NCAPD3: variants seen among roughly 807,000 people sequenced by gnomAD.
NCAPD3 encodes the protein non-SMC condensin II complex subunit D3.
A neutral mutation model predicts 182.9 loss-of-function variants in NCAPD3; 105 were observed. The ratio of observed to expected loss-of-function variants is 0.57; its 90% CI spans 0.49 to 0.68. The LOEUF is 0.68. NCAPD3 is among the 30% of genes least tolerant of loss of function. The probability of loss-of-function intolerance (pLI) is 0.00; values close to 1 mark genes in which losing one functional copy is unlikely to be tolerated. For synonymous variants in NCAPD3, 815 were observed against 679.9 expected (o/e 1.20, Z -3.09); for missense variants, 1,944 against 1,837.0 (o/e 1.06, Z -1.07).
chr11:134,210,428 G>C lies in NCAPD3; in HGVS notation c.409C>G (p.Pro137Ala). The C allele has an allele frequency of 6.2e-7, 1 of 1,613,998 alleles. No individual in the cohort carries two copies. Among genetic ancestry groups the C allele is most frequent in the Non-Finnish European group, 8.5e-7 (1 of 1,179,940 alleles). The change falls in exon 4 of 35, where the codon CCA becomes GCA. Residue 137 changes from proline to alanine, a missense_variant. By Grantham distance (27) the Pro-to-Ala change is conservative (BLOSUM62 -1). Coordinates refer to ENST00000534548, the MANE Select transcript of NCAPD3 (RefSeq NM_015261.3). Reference sequence around the variant, plus strand: ...TGAATGCATTTGTCAAACATCACTGGGTGGAATACTTGATTGGCTACACTG... The same window carrying C: ...TGAATGCATTTGTCAAACATCACTGCGTGGAATACTTGATTGGCTACACTG... ...PGSVANQVFH[P>A]VMFDKCIQTL... is the part of the protein sequence containing the mutation.
chr11:134,181,207 T>G (rs777418454), intron 19 of NCAPD3, 23 bp from the exon 20 acceptor site: 1 of 1,527,150 alleles, frequency 6.5e-7, no homozygotes, highest in South Asian at 1.1e-5. Context: ...AAAAGTCATC[T>G]CTGAAGGGCC....
intron 23 of NCAPD3, among the ~76,000 whole-genome samples, chr11:134,176,951 T>A (rs973931644): frequency 3.9e-5 from 6 of 152,228 alleles, no homozygotes. Flanking sequence ...CTACTGAATA[T>A]GCTTTTCTCT....
At chr11:134,222,314 TAGGGA>T (rs1938261436) in intron 1 of NCAPD3, among the ~76,000 whole-genome samples, 1 of 152,204 alleles carries the variant, frequency 6.6e-6, no homozygotes, top group Non-Finnish European at 1.5e-5. Flanking sequence ...GAGAAAATAC[TAGGGA>T]AGCCACTTAT....
chr11:134,182,457 T>A (rs1944317993), intron 19 of NCAPD3, among the ~76,000 whole-genome samples: 1 of 152,246 alleles, frequency 6.6e-6, no homozygotes, highest in Non-Finnish European at 1.5e-5. Flanking sequence ...CTAGGCAGCC[T>A]ACCGTCCCCA....
intron 3 of NCAPD3, among the ~76,000 whole-genome samples, chr11:134,214,902 C>G (rs1184780661): frequency 6.6e-6 from 1 of 152,138 alleles, no homozygotes; most frequent in African/African-American, 2.4e-5. Flanking sequence ...CCCAGATACT[C>G]AAACCAGACA....
Position 134,168,934 on chromosome 11 carries a change from C to A in NCAPD3, c.3222G>T (p.Lys1074Asn), listed in dbSNP as rs752960875. The change falls in exon 25 of 35, where the codon AAG (lysine) becomes AAT (asparagine). Residue 1074 changes from lysine (K) to asparagine (N), a missense_variant. Lys to Asn is a moderately conservative substitution (Grantham distance 94). Transcript: ENST00000534548. ...TCACTGACCTCTCTGACTGGGGGAA[C>A]TTGTTGTACTTCTCATGCTTCTCAT... ...NNYEKHEKYN[K>N]FPQSEREKRL... The A allele has an allele frequency of 6.2e-7, 1 of 1,613,570 alleles. No homozygotes were observed. Among genetic ancestry groups the A allele is most frequent in the Non-Finnish European group, 8.5e-7 (1 of 1,179,704 alleles).
intron 3 of NCAPD3, among the ~76,000 whole-genome samples, chr11:134,212,724 C>T (rs1285442127): frequency 6.6e-6 from 1 of 152,172 alleles, no homozygotes; most frequent in Non-Finnish European, 1.5e-5. Flanking sequence ...GTTGTTCTTA[C>T]ATCATATATA....
At chr11:134,168,245 C>T (rs771916206) in intron 26 of NCAPD3, 50 bp from the exon 27 acceptor site, 3 of 1,560,298 alleles carry the variant, frequency 1.9e-6, no homozygotes, top group South Asian at 2.2e-5. Context: ...AATGCTCTGG[C>T]CCAGAGAGGA....
chr11:134,223,221 C>T (rs1041543887), intron 1 of NCAPD3: 24 of 574,434 alleles, frequency 4.2e-5, no homozygotes, highest in African/African-American at 2.8e-4. Context: ...GGGGGATGGG[C>T]TGGCACAGTT....
At chr11:134,200,983 C>T (rs1339128866) in intron 13 of NCAPD3, among the ~76,000 whole-genome samples, 1 of 151,368 alleles carries the variant, frequency 6.6e-6, no homozygotes, top group Non-Finnish European at 1.5e-5. Context: ...CAAAAGACAA[C>T]ACAGTACATG....
chr11:134,154,871 T>C (rs1400197164), intron 32 of NCAPD3, among the ~76,000 whole-genome samples: 1 of 152,232 alleles, frequency 6.6e-6, no homozygotes, highest in Admixed American at 6.5e-5. Flanking sequence ...TGAGTGTCAC[T>C]AATAGACGAT....
At chr11:134,171,074 C>A (rs1413151341) in intron 24 of NCAPD3, among the ~76,000 whole-genome samples, 1 of 152,190 alleles carries the variant, frequency 6.6e-6, no homozygotes, top group Non-Finnish European at 1.5e-5. Context: ...AGGCAGCACT[C>A]TCTAGGTATG....
In NCAPD3 at chr11:134,185,372, A is replaced by AGTCCTGG; in HGVS notation, c.2199_2200insCCAGGAC (p.Tyr734ProfsTer40). The AGTCCTGG allele has an allele frequency of 6.2e-7, 1 of 1,613,454 alleles. No individual in the cohort carries two copies. The highest frequency in any genetic ancestry group is 8.5e-7 in the Non-Finnish European group (1 of 1,179,742). ...TCCCAAGATTGTATTATTCTGCTGT[A>AGTCCTGG]GTCCAGCCTGGGTGAGGAGCCAGCA... On this transcript the variant is annotated frameshift_variant, in exon 17 of 35. Coordinates refer to ENST00000534548, the MANE Select transcript of NCAPD3 (RefSeq NM_015261.3). LOFTEE classifies it high-confidence loss of function.
intron 27 of NCAPD3, among the ~76,000 whole-genome samples, chr11:134,163,232 T>A (rs999181746): frequency 4.6e-5 from 7 of 152,262 alleles, no homozygotes; most frequent in African/African-American, 1.7e-4. Context: ...ACATATGTAA[T>A]AAATTTACCC....
At position 134,177,551 on chromosome 11, in the gene NCAPD3, T is replaced by G. The variant is rs1436767774; in HGVS notation, c.2783-94A>C. ...AGATACATCTTGCTAATGGCTTCTA[T>G]TTCATCAAAGTTAAAACATCATGCC... On this transcript the variant is annotated intron_variant, in intron 22 of 34. Coordinates refer to ENST00000534548, the MANE Select transcript of NCAPD3 (RefSeq NM_015261.3). The G allele has an allele frequency of 9.0e-6, 10 of 1,115,530 alleles. No individual in the cohort carries two copies. In the East Asian group the frequency reaches 2.4e-4, roughly 27 times the overall value. 69.1% of individuals were successfully genotyped at this position (1,115,530 alleles called of 1,614,324 possible).
chr11:134,158,665 C>G (rs1446373604), intron 29 of NCAPD3, among the ~76,000 whole-genome samples, 170 bp from the exon 30 acceptor site: 1 of 152,180 alleles, frequency 6.6e-6, no homozygotes, highest in African/African-American at 2.4e-5. Context: ...ACGTGAGTAT[C>G]TTTTCTTTGT....
chr11:134,156,946 C>G, intron 32 of NCAPD3, 72 bp downstream of exon 32: 1 of 1,344,822 alleles, frequency 7.4e-7, no homozygotes, highest in Non-Finnish European at 1.1e-6. Context: ...AGTTTTACTG[C>G]GACTCTAGCA....
At position 134,177,205 on chromosome 11, in the gene NCAPD3, AC is replaced by A. The variant is rs758702872; in HGVS notation, c.3021+13del. ...TGGTGAAGGGGAAAGGACAGATTGAACCCCCCTACGCACCTGCAAGAGATTG... is the reference window on the plus strand; with the variant it reads ...TGGTGAAGGGGAAAGGACAGATTGAACCCCCTACGCACCTGCAAGAGATTG... On this transcript the variant is annotated intron_variant, in intron 23 of 34. Coordinates refer to ENST00000534548, the MANE Select transcript of NCAPD3 (RefSeq NM_015261.3). 1.9e-6 allele frequency: 3 copies of A among 1,582,918 alleles called. No individual in the cohort carries two copies. The highest frequency in any genetic ancestry group is 2.6e-6 in the Non-Finnish European group (3 of 1,151,904).
chr11:134,172,164 C>T (rs1944022526), intron 24 of NCAPD3, among the ~76,000 whole-genome samples: 1 of 152,178 alleles, frequency 6.6e-6, no homozygotes, highest in Non-Finnish European at 1.5e-5. Flanking sequence ...CGTGGTGCTC[C>T]CACCATCTGC....
Sources: gnomAD v4.1 joint callset for allele counts (sites outside exome capture counted in the v4.1 genomes callset) on GRCh38, gnomAD v4.1.1 for gene constraint, MANE v1.5 for transcripts, NCBI Gene and HGNC (gene_info 2026-07-23, HGNC 2026-07-21) for gene names.